Variants in TACC2 observed in about 807,000 individuals in gnomAD.
The protein encoded by TACC2 is transforming acidic coiled-coil containing protein 2.
TACC2 carries 137 observed loss-of-function variants against 227.3 expected under a neutral mutation model. That is an observed-to-expected ratio of 0.60 (90% confidence interval 0.52 to 0.69). The LOEUF (loss-of-function observed/expected upper bound fraction) is 0.69. TACC2 is among the 30% of genes least tolerant of loss of function. TACC2 has a pLI of 0.00. For missense variants in TACC2, 3,470 were observed against 3,694.4 expected, an observed-to-expected ratio of 0.94 and a Z score of 1.57; for synonymous variants, 1,523 against 1,487.5, an observed-to-expected ratio of 1.02 and a Z score of -0.55.
intron 3 of TACC2, among the ~76,000 whole-genome samples, chr10:122,069,803 A>G (rs949128920): frequency 2.0e-5 from 3 of 152,210 alleles, no homozygotes; most frequent in African/African-American, 7.2e-5. Flanking sequence ...AAGAGACAAG[A>G]TGCCGCGGGC....
At chr10:122,115,983 A>G (rs146265885) in intron 5 of TACC2, among the ~76,000 whole-genome samples, 183 of 152,274 alleles carry the variant, frequency 1.2e-3, no homozygotes, top group African/African-American at 4.2e-3. Context: ...AAGGTCTGTG[A>G]AATCCATTTT....
Position 122,082,892 on chromosome 10 carries a change from A to G in TACC2, c.392A>G (p.Asp131Gly), listed in dbSNP as rs1423514696. The G allele has an allele frequency of 1.2e-6, 2 of 1,613,282 alleles. No individual in the cohort carries two copies. The highest frequency in any genetic ancestry group is 1.7e-6 in the Non-Finnish European group (2 of 1,180,016). ...GCAAGTCCAGCAGCGGCACCTGAAG[A>G]TGGTCCTCAGACTCAGTCTCCCAGG... ...CLASPAAAPE[D>G]GPQTQSPRRE... Residue 131 changes from aspartate (D) to glycine (G), a missense_variant, in exon 4 of 23, where the codon GAT becomes GGT. Physicochemically the swap from Asp to Gly is moderately conservative, Grantham distance 94. Around this residue, in one of 10 missense-constraint regions of TACC2, gnomAD observed 405 missense variants for 389.6 expected, o/e 1.04. Coordinates refer to ENST00000369005, the MANE Select transcript of TACC2 (RefSeq NM_206862.4).
intron 3 of TACC2, among the ~76,000 whole-genome samples, chr10:122,076,069 G>A (rs1265132035): frequency 2.0e-5 from 3 of 152,150 alleles, no homozygotes; most frequent in Admixed American, 2.0e-4. Context: ...CAAAGTGGTG[G>A]GATTACAGGC....
intron 5 of TACC2, among the ~76,000 whole-genome samples, chr10:122,125,288 T>C (rs10749446): frequency 0.77 from 116,663 of 151,852 alleles, 46,402 homozygotes; most frequent in Non-Finnish European, 0.87. Flanking sequence ...CTTGAACTCC[T>C]GGGCTCAGGT....
At chr10:122,007,669 T>C (rs1023790601) in intron 1 of TACC2, among the ~76,000 whole-genome samples, 8 of 152,200 alleles carry the variant, frequency 5.3e-5, no homozygotes, top group African/African-American at 1.7e-4. Flanking sequence ...TCTGAGTCCT[T>C]TTATTTTGTG....
At chr10:122,195,874 G>A (rs1162939559) in intron 8 of TACC2, among the ~76,000 whole-genome samples, 1 of 152,192 alleles carries the variant, frequency 6.6e-6, no homozygotes, top group Non-Finnish European at 1.5e-5. Context: ...CCACAGGCTG[G>A]CCAGGGGGCC....
chr10:122,178,381 C>G (rs1297801104), intron 7 of TACC2, among the ~76,000 whole-genome samples: 1 of 151,798 alleles, frequency 6.6e-6, no homozygotes, highest in Non-Finnish European at 1.5e-5. Flanking sequence ...GGATCACAGG[C>G]ACACACCACC....
At chr10:122,207,224 G>A (rs541038736) in intron 8 of TACC2, among the ~76,000 whole-genome samples, 9 of 151,876 alleles carry the variant, frequency 5.9e-5, no homozygotes, top group Non-Finnish European at 1.2e-4. Flanking sequence ...ACTTCAACCT[G>A]AGAGGTGGAG....
intron 2 of TACC2, among the ~76,000 whole-genome samples, chr10:122,041,845 C>G (rs112626806): frequency 3.3e-5 from 5 of 152,262 alleles, no homozygotes; most frequent in African/African-American, 1.2e-4. Flanking sequence ...TTCACTGGCA[C>G]GATTACGCAA....
At chr10:122,078,848 G>A (rs1338423478) in intron 3 of TACC2, 1 of 152,250 alleles carries the variant, frequency 6.6e-6, no homozygotes, top group Non-Finnish European at 1.5e-5. Flanking sequence ...ATAAACCAAT[G>A]TCTGGGTTCT....
chr10:122,209,437 C>T lies in TACC2; in HGVS notation c.5972-960C>T, dbSNP rs982389149. Reference sequence around the variant, plus strand: ...CCACTCTTGACCCTTGCTTTAGCCACACTGGCCTCCTCGCTGTTTCTGTAA... The same window carrying T: ...CCACTCTTGACCCTTGCTTTAGCCATACTGGCCTCCTCGCTGTTTCTGTAA... On this transcript the variant is annotated intron_variant, in intron 8 of 22. Transcript: ENST00000369005. This position sits in a 1 kb window ranked among gnomAD's most constrained non-coding sequence, Gnocchi z 4.5. 6.6e-6 allele frequency among the ~76,000 whole-genome samples: 1 copy of T among 152,210 alleles called. No individual in the cohort carries two copies. Among genetic ancestry groups the T allele is most frequent in the African/African-American group, 2.4e-5 (1 of 41,448 alleles).
At chr10:122,229,603 A>G in intron 15 of TACC2, 117 bp downstream of exon 15, 1 of 1,170,900 alleles carries the variant, frequency 8.5e-7, no homozygotes, top group Non-Finnish European at 1.2e-6. Flanking sequence ...GAACGTTCCC[A>G]GTGACATATC....
chr10:122,218,578 A>C (rs922594819), intron 11 of TACC2, among the ~76,000 whole-genome samples: 7 of 152,168 alleles, frequency 4.6e-5, no homozygotes, highest in African/African-American at 1.7e-4. Context: ...TCCCTACCCA[A>C]AACTGCCTTT....
At position 122,082,930 on chromosome 10, in the gene TACC2, C is replaced by G. The variant is rs2079692440; in HGVS notation, c.430C>G (p.Pro144Ala). 1.2e-6 allele frequency: 2 copies of G among 1,612,930 alleles called. No individual in the cohort carries two copies. Among genetic ancestry groups the G allele is most frequent in the Non-Finnish European group, 8.5e-7 (1 of 1,180,036 alleles). The change falls in exon 4 of 23, where the codon CCA (proline) becomes GCA (alanine). Residue 144 changes from proline (P) to alanine (A), a missense_variant. Physicochemically the swap from Pro to Ala is conservative, Grantham distance 27. Coordinates refer to ENST00000369005, the MANE Select transcript of TACC2 (RefSeq NM_206862.4). The part of the protein sequence containing the change: ...QTQSPRREPA[P>A]NAPGDIAAAF... The stretch of plus-strand genomic sequence containing the variant: ...TCAGTCTCCCAGGAGGGAACCTGCC[C>G]CAAATGCCCCAGGAGACATCGCGGC...
chr10:122,248,639 C>T lies in TACC2; in HGVS notation c.8393-4C>T. ...ATCATTTGGCTCCTGGTCTCTCCTG[C>T]CAGAGGACGAACAGAGAGAGAAGTC... On this transcript the variant is annotated splice_region_variant and splice_polypyrimidine_tract_variant and intron_variant, in intron 19 of 22. Transcript: ENST00000369005. The T allele has an allele frequency of 1.2e-6, 2 of 1,612,634 alleles. No individual in the cohort carries two copies. Among genetic ancestry groups the T allele is most frequent in the Non-Finnish European group, 1.7e-6 (2 of 1,180,008 alleles).
chr10:122,160,458 TG>T (rs1437475879), intron 7 of TACC2, among the ~76,000 whole-genome samples: 1 of 152,152 alleles, frequency 6.6e-6, no homozygotes, highest in Non-Finnish European at 1.5e-5. Flanking sequence ...CTAGCATGGT[TG>T]GGTTCCTGAT....
At chr10:122,016,313 A>T (rs966636548) in intron 1 of TACC2, among the ~76,000 whole-genome samples, 2 of 151,116 alleles carry the variant, frequency 1.3e-5, no homozygotes, top group Non-Finnish European at 2.9e-5. Flanking sequence ...TCATGCCTAT[A>T]ATCCCAGTAC....
chr10:122,077,755 C>T (rs1031860484), intron 3 of TACC2, among the ~76,000 whole-genome samples: 4 of 152,222 alleles, frequency 2.6e-5, no homozygotes, highest in Non-Finnish European at 4.4e-5. Flanking sequence ...CAACGGGAGG[C>T]AGCGCCACAG....
At chr10:122,234,612 C>T (rs1471711492) in intron 16 of TACC2, among the ~76,000 whole-genome samples, 1 of 152,226 alleles carries the variant, frequency 6.6e-6, no homozygotes, top group Non-Finnish European at 1.5e-5. Context: ...CAAGAGGGCT[C>T]TGAAGTCATC....
Sources: gnomAD v4.1 joint callset for allele counts (sites outside exome capture counted in the v4.1 genomes callset) on GRCh38, gnomAD v4.1.1 for gene constraint, gnomAD v4.1.1 regional missense constraint, Gnocchi (gnomAD v3.1) non-coding constraint, MANE v1.5 for transcripts, NCBI Gene and HGNC (gene_info 2026-07-23, HGNC 2026-07-21) for gene names.